The following CKB variants were observed in gnomAD, a reference collection of about 807,000 sequenced individuals.
CKB encodes creatine kinase B.
CKB carries 15 observed loss-of-function variants against 36.9 expected under a neutral mutation model. That is an observed-to-expected ratio of 0.41 (90% CI 0.27 to 0.63). The LOEUF is 0.63. CKB is among the 20% of genes least tolerant of loss of function. The pLI is 0.34. For synonymous variants in CKB, 250 were observed against 228.2 expected (o/e 1.10, Z -0.86); for missense variants, 413 against 534.9 (o/e 0.77, Z 2.25).
Position 103,522,019 on chromosome 14 carries a change from G to A in CKB, c.348+4C>T, listed in dbSNP as rs1260288601. On this transcript the variant is annotated splice_donor_region_variant and intron_variant, in intron 3 of 7. Coordinates refer to ENST00000348956, the MANE Select transcript of CKB (RefSeq NM_001823.5). The surrounding 1 kb of genome is among the most constrained non-coding windows in gnomAD (Gnocchi z 6.7). ...GCCCGCCCGGCCCGCCCGCAGCCCC[G>A]CACCTGCAGGTTGTCGGGGTTGAGG... 3 of 924,802 alleles carry A rather than the reference G, an allele frequency of 3.2e-6. No individual in the cohort carries two copies. Among genetic ancestry groups the A allele is most frequent in the Non-Finnish European group, 4.7e-6 (3 of 644,006 alleles). 57.3% of individuals were successfully genotyped at this position (924,802 alleles called of 1,614,324 possible).
Position 103,519,932 on chromosome 14 carries a change from G to A in CKB, c.1078C>T (p.Leu360Phe), listed in dbSNP as rs12505. The A allele has an allele frequency of 6.2e-7, 1 of 1,609,922 alleles. No homozygotes were observed. Among genetic ancestry groups the A allele is most frequent in the Non-Finnish European group, 8.5e-7 (1 of 1,179,964 alleles). ...VQMVVDGVKL[L>F]IEMEQRLEQG... Reference sequence around the variant, plus strand: ...TCCAGCCGCTGCTCCATCTCGATGAGCAGCTTCACTCCGTCCACCACCATC... The same window carrying A: ...TCCAGCCGCTGCTCCATCTCGATGAACAGCTTCACTCCGTCCACCACCATC... The change falls in exon 8 of 8, where the codon CTC becomes TTC. Residue 360 changes from leucine (L) to phenylalanine (F), a missense_variant. Physicochemically the swap from Leu to Phe is conservative, Grantham distance 22. Around this residue, in one of 3 missense-constraint regions of CKB, gnomAD observed 314 missense variants for 409.4 expected, o/e 0.77. Coordinates refer to ENST00000348956, the MANE Select transcript of CKB (RefSeq NM_001823.5).
rs1198373983 is a variant in CKB at position 103,521,809 on chromosome 14, G to A, written c.481+9C>T. The A allele has an allele frequency of 4.8e-6, 7 of 1,453,898 alleles. No homozygotes were observed. The highest frequency in any genetic ancestry group is 5.2e-5 in the Admixed American group (2 of 38,700). The allele number at this position is 1,453,898 out of a possible 1,614,324, so 90.1% of individuals were successfully genotyped here. A position where few individuals can be genotyped will look rare whatever the true frequency, so the allele number is the denominator to read the frequency against. On this transcript the variant is annotated intron_variant, in intron 4 of 7. Coordinates refer to ENST00000348956, the MANE Select transcript of CKB (RefSeq NM_001823.5). The stretch of plus-strand genomic sequence containing the variant: ...GCCGCCGCCGCCCCTCGGCCCGCCC[G>A]GCCCCTACCTTCCACCGCGAGCTTC...
intron 6 of CKB, 77 bp downstream of exon 6, chr14:103,520,392 C>A (rs990383162): frequency 7.6e-5 from 120 of 1,587,112 alleles, no homozygotes; most frequent in Non-Finnish European, 9.7e-5. Flanking sequence ...TGCCGGAAAT[C>A]CCCCGGGGGG....
intron 4 of CKB, 147 bp downstream of exon 4, chr14:103,521,671 G>T: frequency 3.8e-6 from 4 of 1,060,218 alleles, no homozygotes; most frequent in Non-Finnish European, 3.7e-6. Context: ...TCCGTCCCTC[G>T]GTCCCTCCGG....
At chr14:103,521,240 A>C (rs750712872) in intron 5 of CKB, 23 bp downstream of exon 5, 5 of 1,565,662 alleles carry the variant, frequency 3.2e-6, no homozygotes, top group Non-Finnish European at 3.4e-6. Flanking sequence ...GGACGCCGCG[A>C]GAGGGCGCAG....
At position 103,520,543 on chromosome 14, in the gene CKB, G is replaced by C. The variant is rs528121888; in HGVS notation, c.703C>G (p.Leu235Val). 9 of 1,612,924 alleles carry C rather than the reference G, an allele frequency of 5.6e-6. No homozygotes were observed. Among genetic ancestry groups the C allele is most frequent in the African/African-American group, 4.0e-5 (3 of 74,888 alleles). The change falls in exon 6 of 8, where the codon CTG (leucine) becomes GTG (valine). Residue 235 changes from leucine (L) to valine (V), a missense_variant. Leu to Val is a conservative substitution (Grantham distance 32). Coordinates refer to ENST00000348956, the MANE Select transcript of CKB (RefSeq NM_001823.5). ...FLVWVNEEDH[L>V]RVISMQKGGN... ...CCCTTCTGCATGGAGATGACCCGCA[G>C]GTGGTCCTCCTCGTTGACCCACACC... is the stretch of plus-strand genomic sequence containing the variant.
At chr14:103,520,093 C>A in intron 7 of CKB, 29 bp downstream of exon 7, 2 of 1,602,284 alleles carry the variant, frequency 1.2e-6, no homozygotes, top group Non-Finnish European at 1.7e-6. Flanking sequence ...CCAAAGGCCA[C>A]GGGAAGCCGC....
chr14:103,520,982 A>C, intron 5 of CKB: 1 of 581,138 alleles, frequency 1.7e-6, no homozygotes, highest in Non-Finnish European at 3.1e-6. Context: ...GAGAGGCGCC[A>C]GAGAGCCCCG....
At position 103,520,583 on chromosome 14, in the gene CKB, G is replaced by A. The variant is rs141472120; in HGVS notation, c.663C>T (p.Asp221=). The A allele has an allele frequency of 9.3e-6, 15 of 1,612,462 alleles. No homozygotes were observed. The highest frequency in any genetic ancestry group is 1.3e-5 in the Non-Finnish European group (15 of 1,179,602). ...WPDARGIWHN[D]NKTFLVWVNE... ...TGACCCACACCAGGAAGGTCTTATTGTCATTGTGCCTGCGGGAGGGCTGGT... is the reference window on the plus strand; with the variant it reads ...TGACCCACACCAGGAAGGTCTTATTATCATTGTGCCTGCGGGAGGGCTGGT... The change falls in exon 6 of 8, where the codon GAC becomes GAT. Residue 221 remains aspartate (D), a synonymous_variant. Transcript: ENST00000348956.
At chr14:103,521,687 T>C in intron 4 of CKB, 131 bp downstream of exon 4, 1 of 1,143,742 alleles carries the variant, frequency 8.7e-7, no homozygotes, top group Non-Finnish European at 1.1e-6. Flanking sequence ...TCCGGGAAAC[T>C]GAACCCGGGC....
In CKB at chr14:103,520,023, C is replaced by T; in HGVS notation, c.987G>A (p.Ala329=). ...TGGAGACGTCGAAGACCCCGCCCAC[C>T]GCAGCCGTGTCCACACCGCCTGGGG... ...KRGTGGVDTA[A]VGGVFDVSNA... Residue 329 remains alanine, a synonymous_variant, in exon 8 of 8, where the codon GCG becomes GCA. Coordinates refer to ENST00000348956, the MANE Select transcript of CKB (RefSeq NM_001823.5). The T allele has an allele frequency of 6.2e-7, 1 of 1,610,254 alleles. No individual in the cohort carries two copies.
chr14:103,521,644 G>A (rs1317808893), intron 4 of CKB, 174 bp downstream of exon 4: 1 of 966,836 alleles, frequency 1.0e-6, no homozygotes, highest in Admixed American at 4.3e-5. Context: ...AGGCCGCTGT[G>A]GGCGCGGGGC....
chr14:103,522,525 C>A lies in CKB; in HGVS notation c.-12-20G>T, dbSNP rs1431073625. The A allele has an allele frequency of 2.0e-6, 3 of 1,496,208 alleles. No homozygotes were observed. Among genetic ancestry groups the A allele is most frequent in the Non-Finnish European group, 2.7e-6 (3 of 1,126,502 alleles). 92.7% of individuals were successfully genotyped at this position (1,496,208 alleles called of 1,614,324 possible). Reference sequence around the variant, plus strand: ...GGCGGGCTGCGGGGAGACGCGGGGTCAGAGGGGACCGGCACGCCGGGGTTC... The same window carrying A: ...GGCGGGCTGCGGGGAGACGCGGGGTAAGAGGGGACCGGCACGCCGGGGTTC... On this transcript the variant is annotated intron_variant, in intron 1 of 7. Coordinates refer to ENST00000348956, the MANE Select transcript of CKB (RefSeq NM_001823.5). The surrounding 1 kb of genome is among the most constrained non-coding windows in gnomAD (Gnocchi z 6.7).
rs1159398610 is a variant in CKB, at chr14:103,521,239, GAGAGGGCGC to G, written c.653+15_653+23del. The G allele has an allele frequency of 6.4e-7, 1 of 1,565,152 alleles. No homozygotes were observed. The highest frequency in any genetic ancestry group is 2.3e-5 in the East Asian group (1 of 42,864). Reference sequence around the variant, plus strand: ...AGGTAGCGGGGAGGGAGGACGCCGCGAGAGGGCGCAGAGGGACACGCACCAGATACCGCG... The same window carrying G: ...AGGTAGCGGGGAGGGAGGACGCCGCGAGAGGGACACGCACCAGATACCGCG... On this transcript the variant is annotated intron_variant, in intron 5 of 7. Coordinates refer to ENST00000348956, the MANE Select transcript of CKB (RefSeq NM_001823.5).
chr14:103,522,436 A>G lies in CKB; in HGVS notation c.58T>C (p.Phe20Leu). Reference protein sequence around the residue: ...LKLRFPAEDEFPDLSAHNNHM... With the variant: ...LKLRFPAEDELPDLSAHNNHM... ...TTGTTGTGGGCGCTCAGGTCGGGGA[A>G]CTCGTCCTCGGCCGGGAAGCGCAGC... Residue 20 changes from phenylalanine to leucine, a missense_variant, in exon 2 of 8, where the codon TTC becomes CTC. Phe to Leu is a conservative substitution (Grantham distance 22, BLOSUM62 0). This residue lies in a region of CKB where 74 missense variants were observed against 70.6 expected (regional missense o/e 1.05). Transcript: ENST00000348956. The surrounding 1 kb of genome is among the most constrained non-coding windows in gnomAD (Gnocchi z 6.7). 6.2e-7 allele frequency: 1 copy of G among 1,608,438 alleles called. No homozygotes were observed. The highest frequency in any genetic ancestry group is 8.5e-7 in the Non-Finnish European group (1 of 1,178,068).
At position 103,521,324 on chromosome 14, in the gene CKB, C is replaced by G; in HGVS notation, c.592G>C (p.Val198Leu). The G allele has an allele frequency of 6.2e-7, 1 of 1,608,808 alleles. No homozygotes were observed. The highest frequency in any genetic ancestry group is 1.1e-5 in the South Asian group (1 of 90,642). ...CCCGAGGCCAGCAGCAGGGGCGACA[C>G]GGGCTTGTCGAAGAGGAAGTGGTCG... is the stretch of plus-strand genomic sequence containing the variant. ...IDDHFLFDKP[V>L]SPLLLASGMA... Residue 198 changes from valine to leucine, a missense_variant, in exon 5 of 8, where the codon GTG (valine) becomes CTG (leucine). By Grantham distance (32) the Val-to-Leu change is conservative. Around this residue, in one of 3 missense-constraint regions of CKB, gnomAD observed 314 missense variants for 409.4 expected, o/e 0.77. Coordinates refer to ENST00000348956, the MANE Select transcript of CKB (RefSeq NM_001823.5).
In CKB at chr14:103,522,229, C is replaced by T; in HGVS notation, c.194-52G>A. 1 of 1,574,172 alleles carries T rather than the reference C, an allele frequency of 6.4e-7. No homozygotes were observed. Among genetic ancestry groups the T allele is most frequent in the South Asian group, 1.1e-5 (1 of 87,764 alleles). ...CAGTGACGTCACTGCCGGGCCCGAGCGCGCTGCTGAGGACCCTGCGGCTGC... is the reference window on the plus strand; with the variant it reads ...CAGTGACGTCACTGCCGGGCCCGAGTGCGCTGCTGAGGACCCTGCGGCTGC... On this transcript the variant is annotated intron_variant, in intron 2 of 7. Transcript: ENST00000348956. This position sits in a 1 kb window ranked among gnomAD's most constrained non-coding sequence, Gnocchi z 6.7.
At position 103,521,281 on chromosome 14, in the gene CKB, G is replaced by A; in HGVS notation, c.635C>T (p.Pro212Leu). 1 of 1,598,946 alleles carries A rather than the reference G, an allele frequency of 6.3e-7. No homozygotes were observed. Among genetic ancestry groups the A allele is most frequent in the African/African-American group, 1.3e-5 (1 of 74,624 alleles). Reference protein sequence around the residue: ...LLASGMARDWPDARGIWHNDN... With the variant: ...LLASGMARDWLDARGIWHNDN... ...CACGCACCAGATACCGCGGGCGTCG[G>A]GCCAGTCGCGGGCCATGCCCGAGGC... is the stretch of plus-strand genomic sequence containing the variant. The change falls in exon 5 of 8, where the codon CCC becomes CTC. Residue 212 changes from proline to leucine, a missense_variant. Transcript: ENST00000348956.
Position 103,522,401 on chromosome 14 carries a change from G to C in CKB, c.93C>G (p.Ala31=), listed in dbSNP as rs1016665234. Residue 31 remains alanine (A), a synonymous_variant, in exon 2 of 8, where the codon GCC becomes GCG. Transcript: ENST00000348956. This position sits in a 1 kb window ranked among gnomAD's most constrained non-coding sequence, Gnocchi z 6.7. ...CGTACAGCTCGGGGGTCAGCACCTT[G>C]GCCATGTGGTTGTTGTGGGCGCTCA... ...PDLSAHNNHM[A]KVLTPELYAE... 1 of 1,610,186 alleles carries C rather than the reference G, an allele frequency of 6.2e-7. No homozygotes were observed. Among genetic ancestry groups the C allele is most frequent in the East Asian group, 2.2e-5 (1 of 44,564 alleles).
Sources: allele counts gnomAD v4.1 joint callset, GRCh38; gene constraint gnomAD v4.1.1; regional missense constraint gnomAD v4.1.1; non-coding constraint Gnocchi (gnomAD v3.1); transcripts MANE v1.5; gene names NCBI Gene and HGNC (gene_info 2026-07-23, HGNC 2026-07-21).